Variants in PRPH2 observed in about 807,000 individuals in gnomAD.
PRPH2 encodes the protein peripherin-2.
In PRPH2, 17 loss-of-function variants were observed where a neutral mutation model predicts 31.3. The observed-to-expected ratio is 0.54, with a 90% CI of 0.37 to 0.81. PRPH2 has a LOEUF of 0.81. Among genes scored for constraint, PRPH2 ranks in the 40% least tolerant of loss-of-function variants. The pLI is 0.00. For synonymous variants in PRPH2, 165 were observed against 184.4 expected (o/e 0.89, Z 0.85); for missense variants, 430 against 439.7 (o/e 0.98, Z 0.20).
chr6:42,719,567 C>CTT (rs35810763), intron 1 of PRPH2, among the ~76,000 whole-genome samples: 2,435 of 111,036 alleles, frequency 0.022, 76 homozygotes, highest in Non-Finnish European at 0.029. Flanking sequence ...ACTAAATTGT[C>CTT]TTTTTTTTTT....
intron 1 of PRPH2, among the ~76,000 whole-genome samples, chr6:42,715,434 G>A (rs1000097195): frequency 6.6e-6 from 1 of 152,082 alleles, no homozygotes; most frequent in Non-Finnish European, 1.5e-5. Context: ...AATTTGGGAG[G>A]CCGAGGCAGG....
chr6:42,713,039 A>T (rs1397746902), intron 1 of PRPH2, among the ~76,000 whole-genome samples: 1 of 151,822 alleles, frequency 6.6e-6, no homozygotes, highest in Non-Finnish European at 1.5e-5. Context: ...AGCCTGGCCA[A>T]CATGGTGAAA....
intron 2 of PRPH2, among the ~76,000 whole-genome samples, chr6:42,698,755 T>C (rs1053259555): frequency 6.6e-6 from 1 of 152,110 alleles, no homozygotes; most frequent in African/African-American, 2.4e-5. Flanking sequence ...TGCTTCGGAT[T>C]CGCCCATGCC....
rs536094787 is a variant in PRPH2 at position 42,704,713 on chromosome 6, T to A, written c.582-102A>T. 2.6e-6 allele frequency: 4 copies of A among 1,540,554 alleles called. No individual in the cohort carries two copies. In the South Asian group the frequency reaches 4.5e-5, roughly 17 times the overall value. On this transcript the variant is annotated intron_variant, in intron 1 of 2. Transcript: ENST00000230381. ...CTGGAAACCTAGAATAGTCATTCAC[T>A]CGCACACTTGGTATATATTTGCTGT...
rs556158578 is a variant in PRPH2 at position 42,700,162 on chromosome 6, C to T, written c.829-1655G>A. Among the ~76,000 whole-genome samples the T allele has an allele frequency of 1.7e-4, 26 of 152,272 alleles. 1 individual carries two copies. The highest frequency in any genetic ancestry group is 4.8e-4 in the African/African-American group (20 of 41,558). On this transcript the variant is annotated intron_variant, in intron 2 of 2. Transcript: ENST00000230381. ...TATATTTTTTGTAGAGACAAGGTTT[C>T]GCCATGTTGGCCAGGCTGGTCTCAA...
At position 42,722,374 on chromosome 6, in the gene PRPH2, C is replaced by T; in HGVS notation, c.-40G>A. 6.2e-7 allele frequency: 1 copy of T among 1,610,088 alleles called. No homozygotes were observed. The highest frequency in any genetic ancestry group is 1.1e-5 in the South Asian group (1 of 90,866). ...GTCCGGGTTGCTTCCCACAGCACAG[C>T]TCCCACCCCAAACCTTAACGAGCCC... On this transcript the variant is annotated 5_prime_UTR_variant, in exon 1 of 3. Coordinates refer to ENST00000230381, the MANE Select transcript of PRPH2 (RefSeq NM_000322.5). This position sits in a 1 kb window ranked among gnomAD's most constrained non-coding sequence, Gnocchi z 4.4.
chr6:42,714,900 T>C (rs950276727), intron 1 of PRPH2, among the ~76,000 whole-genome samples: 3 of 152,126 alleles, frequency 2.0e-5, no homozygotes, highest in African/African-American at 4.8e-5. Flanking sequence ...GCCTCAGATT[T>C]CTCATATATA....
chr6:42,698,628 A>C (rs1799991878), intron 2 of PRPH2, 121 bp from the exon 3 acceptor site: 4 of 1,397,280 alleles, frequency 2.9e-6, no homozygotes, highest in Non-Finnish European at 3.9e-6. Flanking sequence ...AGCACTGTGG[A>C]GTGTGGGTTG....
chr6:42,700,670 C>CGG (rs1800029515), intron 2 of PRPH2, among the ~76,000 whole-genome samples: 3 of 152,186 alleles, frequency 2.0e-5, no homozygotes, highest in Admixed American at 2.0e-4. Context: ...TCCTGCTTTC[C>CGG]TGAAGGAGGC....
intron 1 of PRPH2, among the ~76,000 whole-genome samples, chr6:42,720,592 T>A (rs1024744869): frequency 9.9e-5 from 15 of 152,166 alleles, no homozygotes; most frequent in African/African-American, 3.4e-4. Flanking sequence ...GCAGGGCAGA[T>A]ATAAGCTAGC....
At position 42,722,110 on chromosome 6, in the gene PRPH2, G is replaced by A; in HGVS notation, c.225C>T (p.Asn75=). The A allele has an allele frequency of 6.2e-7, 1 of 1,614,192 alleles. No individual in the cohort carries two copies. The highest frequency in any genetic ancestry group is 8.5e-7 in the Non-Finnish European group (1 of 1,180,032). The part of the protein sequence containing the change: ...IGMGVLSCVF[N]SLAGKICYDA... ...CGTAGCAGATCTTCCCAGCCAGCGAGTTGAAGACACAGGATAGCACCCCCA... is the reference window on the plus strand; with the variant it reads ...CGTAGCAGATCTTCCCAGCCAGCGAATTGAAGACACAGGATAGCACCCCCA... Residue 75 remains asparagine (N), a synonymous_variant, in exon 1 of 3, where the codon AAC becomes AAT. Coordinates refer to ENST00000230381, the MANE Select transcript of PRPH2 (RefSeq NM_000322.5). The surrounding 1 kb of genome is among the most constrained non-coding windows in gnomAD (Gnocchi z 4.4).
Position 42,698,278 on chromosome 6 carries a change from G to C in PRPH2, c.*17C>G. 6.2e-7 allele frequency: 1 copy of C among 1,613,268 alleles called. No individual in the cohort carries two copies. The highest frequency in any genetic ancestry group is 8.5e-7 in the Non-Finnish European group (1 of 1,179,828). On this transcript the variant is annotated 3_prime_UTR_variant, in exon 3 of 3. Coordinates refer to ENST00000230381, the MANE Select transcript of PRPH2 (RefSeq NM_000322.5). Reference sequence around the variant, plus strand: ...CACTATTTCTCAGTGTTCGGGAGGGGAGGGGCCCCAGGGCCCTCAGCCAGC... The same window carrying C: ...CACTATTTCTCAGTGTTCGGGAGGGCAGGGGCCCCAGGGCCCTCAGCCAGC...
At chr6:42,704,638 T>TGGGCTTCCC in intron 1 of PRPH2, 27 bp from the exon 2 acceptor site, 2 of 1,614,160 alleles carry the variant, frequency 1.2e-6, no homozygotes, top group South Asian at 1.1e-5. Context: ...CAGCTGGAGA[T>TGGGCTTCCC]GGGCTTCCCG....
chr6:42,706,267 T>A (rs1258364865), intron 1 of PRPH2, among the ~76,000 whole-genome samples: 1 of 151,730 alleles, frequency 6.6e-6, no homozygotes, highest in Non-Finnish European at 1.5e-5. Flanking sequence ...TAGCTGGGCG[T>A]TGTGGCGGGC....
intron 1 of PRPH2, among the ~76,000 whole-genome samples, chr6:42,716,401 T>C (rs1210601226): frequency 2.7e-5 from 4 of 150,852 alleles, no homozygotes; most frequent in Non-Finnish European, 5.9e-5. Flanking sequence ...CTCTATTTTT[T>C]TTTTTTAAGA....
chr6:42,718,857 G>A (rs1184185746), intron 1 of PRPH2, among the ~76,000 whole-genome samples: 2 of 152,118 alleles, frequency 1.3e-5, no homozygotes, highest in African/African-American at 4.8e-5. Flanking sequence ...AAGAGTCAGG[G>A]TTTCATCATG....
At chr6:42,700,889 T>C (rs754043006) in intron 2 of PRPH2, among the ~76,000 whole-genome samples, 2 of 152,158 alleles carry the variant, frequency 1.3e-5, no homozygotes, top group Non-Finnish European at 2.9e-5. Flanking sequence ...CCCAATAAGC[T>C]GATTCTTGTC....
chr6:42,699,311 C>T (rs1207853969), intron 2 of PRPH2, among the ~76,000 whole-genome samples: 1 of 152,112 alleles, frequency 6.6e-6, no homozygotes, highest in East Asian at 1.9e-4. Flanking sequence ...ATCCACCCGC[C>T]TCGACCTCCC....
In PRPH2 at chr6:42,722,169, C is replaced by A; in HGVS notation, c.166G>T (p.Glu56Ter). The change falls in exon 1 of 3, where the codon GAG (glutamate) becomes TAG (stop). Residue 56 changes from glutamate (E) to a stop codon, truncating the protein, a stop_gained. Coordinates refer to ENST00000230381, the MANE Select transcript of PRPH2 (RefSeq NM_000322.5). LOFTEE classifies it high-confidence loss of function. The surrounding 1 kb of genome is among the most constrained non-coding windows in gnomAD (Gnocchi z 4.4). ...RKRSDVMNNSESHFVPNSLIG... is the reference protein window; with the variant it reads ...RKRSDVMNNS ...AATGAGTTGGGCACAAAATGGCTCT[C>A]AGAATTATTCATCACATCGCTCCTC... 6.2e-7 allele frequency: 1 copy of A among 1,614,140 alleles called. No homozygotes were observed.
Sources: allele counts gnomAD v4.1 joint callset (sites outside exome capture counted in the v4.1 genomes callset), GRCh38; gene constraint gnomAD v4.1.1; non-coding constraint Gnocchi (gnomAD v3.1); transcripts MANE v1.5; gene names NCBI Gene and HGNC (gene_info 2026-07-23, HGNC 2026-07-21).